The following SHROOM3 variants were observed in gnomAD, a reference collection of about 807,000 sequenced individuals.
SHROOM3 encodes the protein protein Shroom3.
A neutral mutation model predicts 138.6 loss-of-function variants in SHROOM3; 47 were observed. The observed-to-expected ratio is 0.34, with a 90% confidence interval of 0.27 to 0.43. SHROOM3 has a LOEUF of 0.43. SHROOM3 is among the 20% of genes least tolerant of loss of function. SHROOM3 has a pLI of 1.00. For synonymous variants in SHROOM3, 1,062 were observed against 1,063.3 expected, an observed-to-expected ratio of 1.00 and a Z score of 0.02; for missense variants, 2,491 against 2,596.5, an observed-to-expected ratio of 0.96 and a Z score of 0.88.
chr4:76,483,745 A>C (rs2109989252), intron 1 of SHROOM3, among the ~76,000 whole-genome samples: 1 of 152,366 alleles, frequency 6.6e-6, no homozygotes. Context: ...AACTGACTCA[A>C]ATACCCATCA....
intron 3 of SHROOM3, among the ~76,000 whole-genome samples, chr4:76,712,900 T>TAA (rs553159282): frequency 1.3e-3 from 196 of 152,336 alleles, no homozygotes; most frequent in Non-Finnish European, 2.2e-3. Flanking sequence ...GTGTAGCTCT[T>TAA]AGACTATGAA....
chr4:76,703,874 C>T (rs1719971913), intron 2 of SHROOM3, among the ~76,000 whole-genome samples: 3 of 152,206 alleles, frequency 2.0e-5, no homozygotes. Context: ...TACTTAATCA[C>T]AAAAAGCATT....
intron 9 of SHROOM3, 121 bp downstream of exon 9, chr4:76,759,816 G>A (rs1320742827): frequency 1.7e-6 from 2 of 1,143,552 alleles, no homozygotes; most frequent in East Asian, 5.2e-5. Context: ...CACATCACCA[G>A]ATTGCACCAA....
rs761598437 is a variant in SHROOM3 at position 76,770,760 on chromosome 4, C to T, written c.5484C>T (p.Pro1828=). ...CTCTGATCAGCGAGCTCTGCAAGCC[C>T]AATGAGTTTGACAAGTATAGGATGT... ...VEALISELCK[P]NEFDKYRMFI... Residue 1828 remains proline, a synonymous_variant, in exon 10 of 11, where the codon CCC becomes CCT. Transcript: ENST00000296043. 9.3e-6 allele frequency: 15 copies of T among 1,614,038 alleles called. No individual in the cohort carries two copies. Among genetic ancestry groups the T allele is most frequent in the African/African-American group, 8.0e-5 (6 of 74,920 alleles).
chr4:76,628,093 A>T (rs933071003), intron 2 of SHROOM3, among the ~76,000 whole-genome samples: 5 of 152,234 alleles, frequency 3.3e-5, no homozygotes, highest in African/African-American at 1.2e-4. Flanking sequence ...ATGAAAAGGC[A>T]TTGAAAATAT....
intron 2 of SHROOM3, among the ~76,000 whole-genome samples, chr4:76,702,883 G>T (rs1008235488): frequency 6.6e-6 from 1 of 152,130 alleles, no homozygotes; most frequent in Non-Finnish European, 1.5e-5. Context: ...AGGTCATTTG[G>T]CTTTTTCTCC....
At chr4:76,622,522 A>G (rs10026300) in intron 2 of SHROOM3, among the ~76,000 whole-genome samples, 55,329 of 151,382 alleles carry the variant, frequency 0.37, 10,692 homozygotes, top group East Asian at 0.51. Context: ...TTTCCATTTG[A>G]TTTTCAGTTA....
chr4:76,685,389 A>C lies in SHROOM3; in HGVS notation c.324-24767A>C, dbSNP rs553953981. Among the ~76,000 whole-genome samples, 39 of 99,232 alleles carry C rather than the reference A, an allele frequency of 3.9e-4. 1 individual carries two copies. Among genetic ancestry groups the C allele is most frequent in the Middle Eastern group, 9.0e-3 (2 of 222 alleles). The allele number at this position is 99,232 out of a possible 152,430, so 65.1% of individuals were successfully genotyped here. ...AGCTAAAAAACAAAAAAAAATCACA[A>C]AAAAAAAATCCCATAATGTTTTAAG... On this transcript the variant is annotated intron_variant, in intron 2 of 10. Coordinates refer to ENST00000296043, the MANE Select transcript of SHROOM3 (RefSeq NM_020859.4).
In SHROOM3 at chr4:76,650,519, ATATTTATTTATTTATTTATTTATT is replaced by A. The variant is rs3045185; in HGVS notation, c.324-59615_324-59592del. Among the ~76,000 whole-genome samples the A allele has an allele frequency of 5.5e-5, 8 of 145,612 alleles. No individual in the cohort carries two copies. The South Asian group carries it at 6.8e-4, about 12-fold the overall frequency. ...TGTTGCAACATTCTTTTTTTTAAGTATATTTATTTATTTATTTATTTATTTATTTATTTATTTATTTATTTGATG... is the reference window on the plus strand; with the variant it reads ...TGTTGCAACATTCTTTTTTTTAAGTATATTTATTTATTTATTTATTTGATG... On this transcript the variant is annotated intron_variant, in intron 2 of 10. Coordinates refer to ENST00000296043, the MANE Select transcript of SHROOM3 (RefSeq NM_020859.4).
intron 10 of SHROOM3, among the ~76,000 whole-genome samples, chr4:76,772,177 C>T (rs1285391849): frequency 1.3e-5 from 2 of 150,030 alleles, no homozygotes; most frequent in African/African-American, 4.9e-5. Context: ...AATCTAAGCT[C>T]ACTGCAACCT....
intron 1 of SHROOM3, among the ~76,000 whole-genome samples, chr4:76,531,474 G>A (rs1458640851): frequency 6.6e-6 from 1 of 152,138 alleles, no homozygotes; most frequent in Admixed American, 6.5e-5. Context: ...AGTGCACCAC[G>A]AAGGGTTTAC....
rs187596950 is a variant in SHROOM3 at position 76,472,726 on chromosome 4, C to T, written c.168+36506C>T. On this transcript the variant is annotated intron_variant, in intron 1 of 10. Coordinates refer to ENST00000296043, the MANE Select transcript of SHROOM3 (RefSeq NM_020859.4). Reference sequence around the variant, plus strand: ...TTTTTTTTTTTGTGATAAGAGTCTCCCTCTGTCGCCCACGCTGGAGTGCAG... The same window carrying T: ...TTTTTTTTTTTGTGATAAGAGTCTCTCTCTGTCGCCCACGCTGGAGTGCAG... Among the ~76,000 whole-genome samples, 449 of 151,500 alleles carry T rather than the reference C, an allele frequency of 3.0e-3. 3 individuals are homozygous for T. Among genetic ancestry groups the T allele is most frequent in the Non-Finnish European group, 3.1e-3 (208 of 67,904 alleles).
chr4:76,724,266 T>A (rs1315310637), intron 3 of SHROOM3, among the ~76,000 whole-genome samples: 1 of 152,240 alleles, frequency 6.6e-6, no homozygotes, highest in African/African-American at 2.4e-5. Context: ...ATCTTCTGAC[T>A]TACTGATATG....
chr4:76,610,627 A>T (rs1734740848), intron 2 of SHROOM3, among the ~76,000 whole-genome samples: 1 of 152,050 alleles, frequency 6.6e-6, no homozygotes, highest in Non-Finnish European at 1.5e-5. Context: ...TTTTGTTCAT[A>T]TGTGTGTTTT....
intron 2 of SHROOM3, among the ~76,000 whole-genome samples, chr4:76,686,851 G>C (rs1719350435): frequency 6.6e-6 from 1 of 152,176 alleles, no homozygotes; most frequent in Non-Finnish European, 1.5e-5. Context: ...TGCTGTTCTG[G>C]CTGCCAGTGT....
At chr4:76,462,357 G>C (rs1181915868) in intron 1 of SHROOM3, among the ~76,000 whole-genome samples, 1 of 151,902 alleles carries the variant, frequency 6.6e-6, no homozygotes, top group Admixed American at 6.6e-5. Flanking sequence ...GGGTGACAGA[G>C]TGAGACTCAG....
chr4:76,654,772 A>G (rs908719808), intron 2 of SHROOM3, among the ~76,000 whole-genome samples: 1 of 152,220 alleles, frequency 6.6e-6, no homozygotes, highest in Non-Finnish European at 1.5e-5. Context: ...TGCCACCATC[A>G]TTGCCTATCC....
At chr4:76,550,747 C>T (rs955952696) in intron 1 of SHROOM3, among the ~76,000 whole-genome samples, 3 of 152,010 alleles carry the variant, frequency 2.0e-5, no homozygotes, top group Non-Finnish European at 2.9e-5. Flanking sequence ...ATCTGTAATC[C>T]CAGAACTTTG....
chr4:76,726,380 C>G (rs1476616069), intron 3 of SHROOM3, among the ~76,000 whole-genome samples: 3 of 151,814 alleles, frequency 2.0e-5, no homozygotes, highest in African/African-American at 7.3e-5. Flanking sequence ...CTCAAAGGCC[C>G]TGTGTTTTGT....
Sources: allele counts gnomAD v4.1 joint callset (sites outside exome capture counted in the v4.1 genomes callset), GRCh38; gene constraint gnomAD v4.1.1; transcripts MANE v1.5; gene names NCBI Gene and HGNC (gene_info 2026-07-23, HGNC 2026-07-21).